Variants in IQGAP2 observed in about 807,000 individuals in gnomAD.
The protein encoded by IQGAP2 is IQ motif containing GTPase activating protein 2, also known as ras GTPase-activating-like protein IQGAP2.
In IQGAP2, 173 loss-of-function variants were observed where a neutral mutation model predicts 201.3. The ratio of observed to expected loss-of-function variants is 0.86; its 90% CI spans 0.76 to 0.98. The LOEUF is 0.98. Ranked by LOEUF, IQGAP2 falls within the 50% of genes least tolerant of loss-of-function variation. The pLI is 0.00. For missense variants in IQGAP2, 1,687 were observed against 1,864.8 expected (o/e 0.90, Z 1.76); for synonymous variants, 675 against 673.9 (o/e 1.00, Z -0.03).
At chr5:76,647,854 CG>C (rs1251686231) in intron 17 of IQGAP2, among the ~76,000 whole-genome samples, 1 of 151,180 alleles carries the variant, frequency 6.6e-6, no homozygotes, top group Non-Finnish European at 1.5e-5. Context: ...CACACACAAA[CG>C]AAAAAAACTG....
intron 14 of IQGAP2, chr5:76,628,788 A>G: frequency 2.2e-6 from 1 of 449,366 alleles, no homozygotes; most frequent in East Asian, 7.0e-5. Context: ...TTATTCCCTA[A>G]GGAACTTTGA....
chr5:76,654,316 TA>T, intron 19 of IQGAP2, 45 bp downstream of exon 19: 1 of 1,207,606 alleles, frequency 8.3e-7, no homozygotes, highest in Non-Finnish European at 1.2e-6. Flanking sequence ...GATAATGACC[TA>T]AATGAATGCT....
intron 13 of IQGAP2, 134 bp downstream of exon 13, chr5:76,611,317 G>A: frequency 1.6e-6 from 1 of 624,210 alleles, no homozygotes; most frequent in Non-Finnish European, 2.7e-6. Flanking sequence ...AATCAGAATG[G>A]AAATAATAGA....
intron 31 of IQGAP2, among the ~76,000 whole-genome samples, chr5:76,694,276 A>T (rs1324180463): frequency 6.6e-6 from 1 of 152,216 alleles, no homozygotes; most frequent in African/African-American, 2.4e-5. Flanking sequence ...TCTAATTTTT[A>T]AAAATTTTTA....
At chr5:76,609,038 T>C in intron 12 of IQGAP2, 1 of 1,477,346 alleles carries the variant, frequency 6.8e-7, no homozygotes. Flanking sequence ...ATGCATATGT[T>C]CCCAGAGGGC....
intron 10 of IQGAP2, among the ~76,000 whole-genome samples, chr5:76,600,225 A>T (rs950148629): frequency 2.0e-5 from 3 of 152,240 alleles, no homozygotes; most frequent in African/African-American, 7.2e-5. Context: ...CTTTACCAAA[A>T]GATCACCTCA....
chr5:76,655,381 A>G (rs1752832535), intron 20 of IQGAP2, among the ~76,000 whole-genome samples: 1 of 152,214 alleles, frequency 6.6e-6, no homozygotes, highest in Admixed American at 6.5e-5. Flanking sequence ...CTCATCTCCC[A>G]AAAATGACAA....
At chr5:76,405,173 T>C (rs887532186) in intron 1 of IQGAP2, among the ~76,000 whole-genome samples, 3 of 152,248 alleles carry the variant, frequency 2.0e-5, no homozygotes, top group African/African-American at 7.2e-5. Flanking sequence ...TTTCCGTGAA[T>C]GTGGTACATG....
At chr5:76,654,114 A>T in intron 18 of IQGAP2, 86 bp from the exon 19 acceptor site, 1 of 873,372 alleles carries the variant, frequency 1.1e-6, no homozygotes, top group Non-Finnish European at 1.8e-6. Flanking sequence ...AAAACTACAC[A>T]AAACCGTATT....
intron 2 of IQGAP2, among the ~76,000 whole-genome samples, chr5:76,491,345 A>G (rs1216659943): frequency 6.6e-6 from 1 of 152,190 alleles, no homozygotes; most frequent in East Asian, 1.9e-4. Context: ...TAATTAAATA[A>G]TGTGAAAATA....
At chr5:76,633,524 G>A (rs2909892) in intron 15 of IQGAP2, among the ~76,000 whole-genome samples, 141,112 of 152,282 alleles carry the variant, frequency 0.93, 65,616 homozygotes, top group Middle Eastern at 0.98. Flanking sequence ...ATAGATATAC[G>A]ATTGACTTTT....
chr5:76,404,730 G>C (rs937755432), intron 1 of IQGAP2, among the ~76,000 whole-genome samples: 1 of 152,228 alleles, frequency 6.6e-6, no homozygotes, highest in African/African-American at 2.4e-5. Context: ...CTTGCAGTGA[G>C]GGGGAGGCCT....
At chr5:76,584,563 G>A (rs1186445025) in intron 5 of IQGAP2, among the ~76,000 whole-genome samples, 1 of 146,426 alleles carries the variant, frequency 6.8e-6, no homozygotes, top group African/African-American at 2.5e-5. Context: ...GTCAGCCTAG[G>A]ACCAGCAGAA....
chr5:76,451,167 T>G (rs1753718215), intron 1 of IQGAP2, among the ~76,000 whole-genome samples: 1 of 152,210 alleles, frequency 6.6e-6, no homozygotes, highest in African/African-American at 2.4e-5. Flanking sequence ...GGGGTGACTT[T>G]CTGGTGCCAA....
chr5:76,491,937 G>C (rs2150156412), intron 2 of IQGAP2, among the ~76,000 whole-genome samples: 1 of 152,230 alleles, frequency 6.6e-6, no homozygotes, highest in Non-Finnish European at 1.5e-5. Flanking sequence ...CATGCCCAGA[G>C]TTACTGATTT....
At chr5:76,676,960 A>G (rs753678747) in intron 27 of IQGAP2, among the ~76,000 whole-genome samples, 3 of 152,224 alleles carry the variant, frequency 2.0e-5, no homozygotes, top group Non-Finnish European at 2.9e-5. Context: ...ATAGGTCACT[A>G]TATCACTAAG....
intron 27 of IQGAP2, among the ~76,000 whole-genome samples, chr5:76,675,049 T>G (rs1378371771): frequency 6.6e-6 from 1 of 152,220 alleles, no homozygotes; most frequent in Non-Finnish European, 1.5e-5. Flanking sequence ...GATTTCTGCT[T>G]CTTTCAACTT....
intron 1 of IQGAP2, among the ~76,000 whole-genome samples, chr5:76,408,083 C>T (rs753614937): frequency 5.3e-5 from 8 of 152,122 alleles, no homozygotes; most frequent in Non-Finnish European, 1.0e-4. Flanking sequence ...ATCGCTTGAA[C>T]CCGGGAGGCA....
At chr5:76,485,448 G>A (rs971778264) in intron 2 of IQGAP2, among the ~76,000 whole-genome samples, 2 of 152,186 alleles carry the variant, frequency 1.3e-5, no homozygotes, top group African/African-American at 2.4e-5. Flanking sequence ...TTGCAATAGC[G>A]AGTAAACAAA....
Sources: allele counts gnomAD v4.1 joint callset (sites outside exome capture counted in the v4.1 genomes callset), GRCh38; gene constraint gnomAD v4.1.1; transcripts MANE v1.5; gene names NCBI Gene and HGNC (gene_info 2026-07-23, HGNC 2026-07-21).